The following NKAIN2 variants were observed in gnomAD, a reference collection of about 807,000 sequenced individuals.
NKAIN2 encodes the protein sodium/potassium transporting ATPase interacting 2.
Under a neutral mutation model 32.6 loss-of-function variants are expected in NKAIN2, and 14 were observed. The ratio of observed to expected loss-of-function variants is 0.43; its 90% CI spans 0.28 to 0.67. The LOEUF (loss-of-function observed/expected upper bound fraction) is 0.67, where lower values mean the gene tolerates loss of function less well. Ranked by LOEUF, NKAIN2 falls within the 30% of genes least tolerant of loss-of-function variation. The pLI is 0.17. For missense variants in NKAIN2, 198 were observed against 258.3 expected, an observed-to-expected ratio of 0.77 and a Z score of 1.60; for synonymous variants, 80 against 87.2, an observed-to-expected ratio of 0.92 and a Z score of 0.46.
At chr6:124,526,083 G>A (rs905757622) in intron 3 of NKAIN2, among the ~76,000 whole-genome samples, 1 of 152,106 alleles carries the variant, frequency 6.6e-6, no homozygotes, top group South Asian at 2.1e-4. Flanking sequence ...TGCATATGAA[G>A]TAGAATATGC....
At chr6:123,872,962 T>G (rs1311724777) in intron 1 of NKAIN2, among the ~76,000 whole-genome samples, 2 of 152,232 alleles carry the variant, frequency 1.3e-5, no homozygotes, top group Non-Finnish European at 2.9e-5. Context: ...TATTAAATTT[T>G]TCAAAAAGTG....
chr6:124,712,691 G>A (rs541505554), intron 4 of NKAIN2, among the ~76,000 whole-genome samples: 7 of 151,718 alleles, frequency 4.6e-5, no homozygotes, highest in East Asian at 1.9e-4. Context: ...CACGGTGTGC[G>A]CACCCACTGA....
intron 4 of NKAIN2, among the ~76,000 whole-genome samples, chr6:124,746,816 G>A (rs980774301): frequency 2.6e-5 from 4 of 151,762 alleles, no homozygotes; most frequent in African/African-American, 9.7e-5. Flanking sequence ...CCTATGGGAC[G>A]TCGCTTCATC....
chr6:124,624,396 A>ATATT (rs1783224692), intron 3 of NKAIN2, among the ~76,000 whole-genome samples: 1 of 152,160 alleles, frequency 6.6e-6, no homozygotes, highest in Non-Finnish European at 1.5e-5. Flanking sequence ...TTACCAGCCA[A>ATATT]TATTACAACT....
At chr6:124,008,269 A>C (rs1231540701) in intron 1 of NKAIN2, among the ~76,000 whole-genome samples, 1 of 152,148 alleles carries the variant, frequency 6.6e-6, no homozygotes, top group African/African-American at 2.4e-5. Context: ...AAATATATTT[A>C]CATATGTTAG....
At chr6:124,243,860 T>C (rs1343893759) in intron 1 of NKAIN2, among the ~76,000 whole-genome samples, 1 of 152,110 alleles carries the variant, frequency 6.6e-6, no homozygotes, top group African/African-American at 2.4e-5. Context: ...TACAATCACA[T>C]GTCAAATTTT....
At chr6:124,364,108 A>G (rs1799411607) in intron 3 of NKAIN2, among the ~76,000 whole-genome samples, 1 of 151,940 alleles carries the variant, frequency 6.6e-6, no homozygotes, top group South Asian at 2.1e-4. Flanking sequence ...AAAATATAAT[A>G]TCTAGAAGTA....
chr6:124,462,874 G>A (rs888704839), intron 3 of NKAIN2, among the ~76,000 whole-genome samples: 23 of 151,994 alleles, frequency 1.5e-4, no homozygotes, highest in Admixed American at 6.6e-5. Context: ...ACATATGATT[G>A]AAATCTGCCT....
intron 1 of NKAIN2, chr6:124,122,081 A>G (rs1785912184): frequency 1.5e-5 from 3 of 206,516 alleles, no homozygotes; most frequent in African/African-American, 2.3e-5. Flanking sequence ...TTTTATGTAA[A>G]TAATATGTAT....
chr6:124,095,245 C>G (rs1283551595), intron 1 of NKAIN2, among the ~76,000 whole-genome samples: 1 of 152,068 alleles, frequency 6.6e-6, no homozygotes, highest in East Asian at 1.9e-4. Flanking sequence ...AATATTCCCA[C>G]TGACTATTCA....
At chr6:124,181,712 A>G (rs1582804489) in intron 1 of NKAIN2, among the ~76,000 whole-genome samples, 2 of 152,254 alleles carry the variant, frequency 1.3e-5, no homozygotes, top group East Asian at 3.9e-4. Flanking sequence ...AACCATAGAA[A>G]GTGTGACCTT....
At chr6:124,185,838 A>C (rs1416998297) in intron 1 of NKAIN2, among the ~76,000 whole-genome samples, 1 of 146,088 alleles carries the variant, frequency 6.8e-6, no homozygotes, top group Non-Finnish European at 1.5e-5. Context: ...TGATACAGAA[A>C]TAATACCAAC....
At chr6:123,999,524 A>T (rs565953819) in intron 1 of NKAIN2, among the ~76,000 whole-genome samples, 65 of 152,206 alleles carry the variant, frequency 4.3e-4, no homozygotes, top group Non-Finnish European at 6.6e-4. Flanking sequence ...TAAAATATGC[A>T]TTATATTTAT....
chr6:123,811,049 T>C (rs1388323142), intron 1 of NKAIN2, among the ~76,000 whole-genome samples: 2 of 152,184 alleles, frequency 1.3e-5, no homozygotes, highest in Non-Finnish European at 1.5e-5. Flanking sequence ...CACCAAATTT[T>C]GAGAACTACT....
At chr6:124,604,563 T>A (rs116157931) in intron 3 of NKAIN2, among the ~76,000 whole-genome samples, 3 of 151,710 alleles carry the variant, frequency 2.0e-5, no homozygotes, top group African/African-American at 7.3e-5. Context: ...TTTCTCTCTA[T>A]GCTTGATAAT....
At chr6:123,893,216 T>A (rs193154028) in intron 1 of NKAIN2, among the ~76,000 whole-genome samples, 150 of 152,206 alleles carry the variant, frequency 9.9e-4, no homozygotes, top group African/African-American at 3.3e-3. Context: ...ATATATATTT[T>A]TTAAGACCAG....
intron 3 of NKAIN2, among the ~76,000 whole-genome samples, chr6:124,606,175 C>A (rs2114989498): frequency 6.6e-6 from 1 of 152,030 alleles, no homozygotes; most frequent in East Asian, 1.9e-4. Flanking sequence ...CTCCTCACCT[C>A]TCACAATTCT....
chr6:124,006,738 A>G (rs974742285), intron 1 of NKAIN2, among the ~76,000 whole-genome samples: 8 of 152,186 alleles, frequency 5.3e-5, no homozygotes, highest in Non-Finnish European at 1.0e-4. Context: ...GGTTGTTTGC[A>G]GAAACCTGAC....
chr6:123,821,550 C>A (rs753911681), intron 1 of NKAIN2, among the ~76,000 whole-genome samples: 1 of 152,122 alleles, frequency 6.6e-6, no homozygotes, highest in Non-Finnish European at 1.5e-5. Context: ...GACCCTGTAA[C>A]GTTACCTCAT....
Sources: allele counts gnomAD v4.1 joint callset (sites outside exome capture counted in the v4.1 genomes callset), GRCh38; gene constraint gnomAD v4.1.1; transcripts MANE v1.5; gene names NCBI Gene and HGNC (gene_info 2026-07-23, HGNC 2026-07-21).